The following B3GNT4 variants were observed in gnomAD, a reference collection of about 807,000 sequenced individuals.
B3GNT4 encodes the protein UDP-GlcNAc:betaGal beta-1,3-N-acetylglucosaminyltransferase 4, also known as N-acetyllactosaminide beta-1,3-N-acetylglucosaminyltransferase 4.
Under a neutral mutation model 2.7 loss-of-function variants are expected in B3GNT4, and 2 were observed. The ratio of observed to expected loss-of-function variants is 0.73; its 90% CI spans 0.30 to 2.31. The LOEUF is 2.31. Ranked by LOEUF, B3GNT4 falls within the 30% of genes most tolerant of loss-of-function variation. B3GNT4 has a pLI of 0.12. For synonymous variants in B3GNT4, 280 were observed against 203.4 expected (o/e 1.38, Z -3.20); for missense variants, 708 against 490.9 (o/e 1.44, Z -4.18).
At position 122,207,304 on chromosome 12, in the gene B3GNT4, C is replaced by G. The variant is rs1243174935; in HGVS notation, c.1053C>G (p.Leu351=). The G allele has an allele frequency of 3.1e-6, 5 of 1,613,454 alleles. No homozygotes were observed. Among genetic ancestry groups the G allele is most frequent in the Non-Finnish European group, 4.2e-6 (5 of 1,179,720 alleles). ...LYRGLLLVHR[L]SPLEMWTMWA... ...GGGGGCTCCTGCTGGTTCACCGCCT[C>G]AGCCCCCTCGAGATGTGGACCATGT... Residue 351 remains leucine, a synonymous_variant, in exon 3 of 3, where the codon CTC becomes CTG. Transcript: ENST00000324189.
chr12:122,206,400 G>A lies in B3GNT4; in HGVS notation c.149G>A (p.Arg50Lys), dbSNP rs764132970. 2.5e-6 allele frequency: 4 copies of A among 1,613,144 alleles called. No individual in the cohort carries two copies. In the African/African-American group the frequency reaches 5.3e-5, roughly 22 times the overall value. ...TTGCTCGGCTGCCTGCTCTTCCTGA[G>A]GAAGGCGGCCAAGCCCGCAGGAGAC... The part of the protein sequence containing the change: ...VLLLGCLLFL[R>K]KAAKPAGDPT... Residue 50 changes from arginine (R) to lysine (K), a missense_variant, in exon 3 of 3, where the codon AGG becomes AAG. Transcript: ENST00000324189.
chr12:122,207,338 GTGACAGA>G lies in B3GNT4; in HGVS notation c.1091_1097del (p.Thr364ArgfsTer32), dbSNP rs1327358114. On this transcript the variant is annotated frameshift_variant, in exon 3 of 3. Coordinates refer to ENST00000324189, the MANE Select transcript of B3GNT4 (RefSeq NM_030765.4). LOFTEE classifies it low-confidence loss of function (END_TRUNC). ...CGAGATGTGGACCATGTGGGCACTG[GTGACAGA>G]TGAGGGGCTCAAGTGTGCAGCTGGC... 6.2e-7 allele frequency: 1 copy of G among 1,605,960 alleles called. No homozygotes were observed. The highest frequency in any genetic ancestry group is 2.2e-5 in the East Asian group (1 of 44,790).
chr12:122,206,874 G>C lies in B3GNT4; in HGVS notation c.623G>C (p.Cys208Ser), dbSNP rs774180580. 6.2e-7 allele frequency: 1 copy of C among 1,613,790 alleles called. No individual in the cohort carries two copies. Among genetic ancestry groups the C allele is most frequent in the African/African-American group, 1.3e-5 (1 of 74,922 alleles). The change falls in exon 3 of 3, where the codon TGC becomes TCC. Residue 208 changes from cysteine (C) to serine (S), a missense_variant. Coordinates refer to ENST00000324189, the MANE Select transcript of B3GNT4 (RefSeq NM_030765.4). Reference protein sequence around the residue: ...LHLQRWVVAACPQAHFMLKGD... With the variant: ...LHLQRWVVAASPQAHFMLKGD... Reference sequence around the variant, plus strand: ...CTGCAGCGCTGGGTGGTGGCTGCCTGCCCCCAGGCCCATTTCATGCTAAAG... The same window carrying C: ...CTGCAGCGCTGGGTGGTGGCTGCCTCCCCCCAGGCCCATTTCATGCTAAAG...
In B3GNT4 at chr12:122,206,831, A is replaced by G; in HGVS notation, c.580A>G (p.Thr194Ala). The change falls in exon 3 of 3, where the codon ACG becomes GCG. Residue 194 changes from threonine (T) to alanine (A), a missense_variant. Physicochemically the swap from Thr to Ala is moderately conservative, Grantham distance 58. Transcript: ENST00000324189. ...CTTCACTGAGGACTTCTTCAACCTG[A>G]CGCTCAAGGAGCTGCACCTGCAGCG... is the stretch of plus-strand genomic sequence containing the variant. Reference protein sequence around the residue: ...WDFTEDFFNLTLKELHLQRWV... With the variant: ...WDFTEDFFNLALKELHLQRWV... 6.2e-7 allele frequency: 1 copy of G among 1,613,392 alleles called. No homozygotes were observed. Among genetic ancestry groups the G allele is most frequent in the South Asian group, 1.1e-5 (1 of 91,046 alleles).
At position 122,204,652 on chromosome 12, in the gene B3GNT4, G is replaced by A. The variant is rs756115422; in HGVS notation, c.34G>A (p.Gly12Arg). ...TCCCCAGCCTTCCGCAGCCCACCAG[G>A]GAAGGGGCGGTAGGAGTGGCCTTTT... is the stretch of plus-strand genomic sequence containing the variant. ...LPPQPSAAHQ[G>R]RGGRSGLLPK... The change falls in exon 2 of 3, where the codon GGA becomes AGA. Residue 12 changes from glycine to arginine, a missense_variant. Physicochemically the swap from Gly to Arg is moderately radical, Grantham distance 125 (BLOSUM62 -2). Coordinates refer to ENST00000324189, the MANE Select transcript of B3GNT4 (RefSeq NM_030765.4). 6.2e-7 allele frequency: 1 copy of A among 1,612,102 alleles called. No homozygotes were observed. Among genetic ancestry groups the A allele is most frequent in the African/African-American group, 1.3e-5 (1 of 75,042 alleles).
In B3GNT4 at chr12:122,207,570, C is replaced by T. The variant is rs529004581; in HGVS notation, c.*182C>T. On this transcript the variant is annotated 3_prime_UTR_variant, in exon 3 of 3. Transcript: ENST00000324189. Reference sequence around the variant, plus strand: ...TGTCCAGCATATGTTGAATGGGAGCCAAAGTGTAGCAAATGCTGCCAGGAA... The same window carrying T: ...TGTCCAGCATATGTTGAATGGGAGCTAAAGTGTAGCAAATGCTGCCAGGAA... 8.9e-6 allele frequency: 6 copies of T among 673,850 alleles called. No homozygotes were observed. In the South Asian group the frequency reaches 9.6e-5, roughly 11 times the overall value. 41.7% of individuals were successfully genotyped at this position (673,850 alleles called of 1,614,324 possible).
Position 122,207,786 on chromosome 12 carries a change from G to A in B3GNT4, c.*398G>A, listed in dbSNP as rs1161950282. 2 of 469,286 alleles carry A rather than the reference G, an allele frequency of 4.3e-6. No individual in the cohort carries two copies. Among genetic ancestry groups the A allele is most frequent in the Admixed American group, 2.3e-5 (1 of 42,980 alleles). 29.1% of individuals were successfully genotyped at this position (469,286 alleles called of 1,614,324 possible). On this transcript the variant is annotated 3_prime_UTR_variant, in exon 3 of 3. Coordinates refer to ENST00000324189, the MANE Select transcript of B3GNT4 (RefSeq NM_030765.4). ...CAAGAGGCCTGTGTTAAGTCCTGTT[G>A]ATGTTAAGTCCTGTTGAGAGCACCA...
At position 122,207,932 on chromosome 12, in the gene B3GNT4, CG is replaced by C. The variant is rs1566018726; in HGVS notation, c.*545del. ...ACATCAGAAATACATACAAAGAAAT[CG>C]TACAAACTGGACAGGTTCCCCTCCC... On this transcript the variant is annotated 3_prime_UTR_variant, in exon 3 of 3. Coordinates refer to ENST00000324189, the MANE Select transcript of B3GNT4 (RefSeq NM_030765.4). The C allele has an allele frequency of 2.2e-6, 1 of 461,542 alleles. No homozygotes were observed. Among genetic ancestry groups the C allele is most frequent in the Non-Finnish European group, 4.3e-6 (1 of 232,216 alleles). 28.6% of individuals were successfully genotyped at this position (461,542 alleles called of 1,614,324 possible). A position where few individuals can be genotyped will look rare whatever the true frequency, so the allele number is the denominator to read the frequency against.
At position 122,208,708 on chromosome 12, in the gene B3GNT4, TTCTC is replaced by T. The variant is rs760933363; in HGVS notation, c.*1326_*1329del. ...GGTCACTTTCCTTGACCTCCCTGTC[TTCTC>T]TCTCTGCAAAGAAACTTCCACCTCT... On this transcript the variant is annotated 3_prime_UTR_variant, in exon 3 of 3. Transcript: ENST00000324189. 4 of 866,720 alleles carry T rather than the reference TTCTC, an allele frequency of 4.6e-6. No homozygotes were observed. The African/African-American group carries it at 5.0e-5, about 11-fold the overall frequency. The allele number at this position is 866,720 out of a possible 1,614,324, so 53.7% of individuals were successfully genotyped here. A position where few individuals can be genotyped will look rare whatever the true frequency, so the allele number is the denominator to read the frequency against.
In B3GNT4 at chr12:122,208,235, G is replaced by C. The variant is rs752890855; in HGVS notation, c.*847G>C. 1.5e-5 allele frequency: 14 copies of C among 930,576 alleles called. No individual in the cohort carries two copies. The highest frequency in any genetic ancestry group is 3.1e-4 in the Middle Eastern group (1 of 3,214). 57.6% of individuals were successfully genotyped at this position (930,576 alleles called of 1,614,324 possible). A position where few individuals can be genotyped will look rare whatever the true frequency, so the allele number is the denominator to read the frequency against. On this transcript the variant is annotated 3_prime_UTR_variant, in exon 3 of 3. Coordinates refer to ENST00000324189, the MANE Select transcript of B3GNT4 (RefSeq NM_030765.4). ...CCTGAGACCACAGGAGGCACTCACA[G>C]CTCACAAAGGCGTCTCGCCTGATTG...
rs1953915685 is a variant in B3GNT4, at chr12:122,206,377, G to GCTCGGCTGCCTGCTCTTC, written c.129_146dup (p.Gly44_Leu49dup). On this transcript the variant is annotated inframe_insertion, in exon 3 of 3. Coordinates refer to ENST00000324189, the MANE Select transcript of B3GNT4 (RefSeq NM_030765.4). Reference sequence around the variant, plus strand: ...TCTCGTACAGCTTGGCTGTGCTGTTGCTCGGCTGCCTGCTCTTCCTGAGGA... The same window carrying GCTCGGCTGCCTGCTCTTC: ...TCTCGTACAGCTTGGCTGTGCTGTTGCTCGGCTGCCTGCTCTTCCTCGGCTGCCTGCTCTTCCTGAGGA... 1 of 1,610,148 alleles carries GCTCGGCTGCCTGCTCTTC rather than the reference G, an allele frequency of 6.2e-7. No homozygotes were observed.
In B3GNT4 at chr12:122,204,609, G is replaced by GCTGC; in HGVS notation, c.-8_-5dup. 2 of 1,607,294 alleles carry GCTGC rather than the reference G, an allele frequency of 1.2e-6. No individual in the cohort carries two copies. Among genetic ancestry groups the GCTGC allele is most frequent in the Non-Finnish European group, 1.7e-6 (2 of 1,174,510 alleles). On this transcript the variant is annotated 5_prime_UTR_variant, in exon 2 of 3. Transcript: ENST00000324189. ...ATCCTGAGCACGGAGACAGTCTCCA[G>GCTGC]CTGCCGTTCATGCTTCCTCCCCAGC...
In B3GNT4 at chr12:122,208,264, A is replaced by T. The variant is rs1372430913; in HGVS notation, c.*876A>T. On this transcript the variant is annotated 3_prime_UTR_variant, in exon 3 of 3. Transcript: ENST00000324189. ...ACAAAGGCGTCTCGCCTGATTGGCC[A>T]GGGCAGGATCTGCCGCCTCTTCTCG... is the stretch of plus-strand genomic sequence containing the variant. 1 of 1,245,410 alleles carries T rather than the reference A, an allele frequency of 8.0e-7. No homozygotes were observed. The highest frequency in any genetic ancestry group is 1.2e-5 in the South Asian group (1 of 81,612). 77.1% of individuals were successfully genotyped at this position (1,245,410 alleles called of 1,614,324 possible).
In B3GNT4 at chr12:122,207,675, G is replaced by A. The variant is rs1299781143; in HGVS notation, c.*287G>A. 3 of 628,712 alleles carry A rather than the reference G, an allele frequency of 4.8e-6. No individual in the cohort carries two copies. Among genetic ancestry groups the A allele is most frequent in the Non-Finnish European group, 8.8e-6 (3 of 339,288 alleles). The allele number at this position is 628,712 out of a possible 1,614,324, so 38.9% of individuals were successfully genotyped here. A position where few individuals can be genotyped will look rare whatever the true frequency, so the allele number is the denominator to read the frequency against. On this transcript the variant is annotated 3_prime_UTR_variant, in exon 3 of 3. Transcript: ENST00000324189. ...AAGGAGGCTGCATAGGACCCCAGGA[G>A]AGACGCATTTTCTCTTTCAGATGCA...
At chr12:122,206,225 G>A in intron 2 of B3GNT4, 93 bp from the exon 3 acceptor site, 1 of 1,016,656 alleles carries the variant, frequency 9.8e-7, no homozygotes, top group South Asian at 1.6e-5. Context: ...GGCCAGCAGG[G>A]ACTTAGCGGC....
chr12:122,204,418 G>GT, intron 1 of B3GNT4, 104 bp from the exon 2 acceptor site: 1 of 545,730 alleles, frequency 1.8e-6, no homozygotes, highest in Non-Finnish European at 3.3e-6. Flanking sequence ...CACCCGGGCC[G>GT]CGGCGCAGCC....
rs1428757406 is a variant in B3GNT4, at chr12:122,207,455, T to C, written c.*67T>C. ...ATTCTCTATCGTGATGCGAAATTGA[T>C]GCCTGCTGCTCTACAGAAAATGCCA... On this transcript the variant is annotated 3_prime_UTR_variant, in exon 3 of 3. Transcript: ENST00000324189. 2 of 1,385,654 alleles carry C rather than the reference T, an allele frequency of 1.4e-6. No homozygotes were observed. The highest frequency in any genetic ancestry group is 1.9e-6 in the Non-Finnish European group (2 of 1,042,922). 85.8% of individuals were successfully genotyped at this position (1,385,654 alleles called of 1,614,324 possible). A position where few individuals can be genotyped will look rare whatever the true frequency, so the allele number is the denominator to read the frequency against.
chr12:122,206,610 T>G lies in B3GNT4; in HGVS notation c.359T>G (p.Leu120Trp), dbSNP rs779643481. 3 of 1,614,148 alleles carry G rather than the reference T, an allele frequency of 1.9e-6. No individual in the cohort carries two copies. Among genetic ancestry groups the G allele is most frequent in the Non-Finnish European group, 2.5e-6 (3 of 1,180,036 alleles). The change falls in exon 3 of 3, where the codon TTG becomes TGG. Residue 120 changes from leucine (L) to tryptophan (W), a missense_variant. By Grantham distance (61) the Leu-to-Trp change is moderately conservative. Transcript: ENST00000324189. The stretch of plus-strand genomic sequence containing the variant: ...TCAGGCTGTTCCAAGGATACCTTCT[T>G]GCTCCTGGCCATCAAGTCACAGCCT... The part of the protein sequence containing the change: ...EPSGCSKDTF[L>W]LLAIKSQPGH...
rs146310385 is a variant in B3GNT4, at chr12:122,206,374, G to A, written c.123G>A (p.Leu41=). 16 of 1,609,690 alleles carry A rather than the reference G, an allele frequency of 9.9e-6. No individual in the cohort carries two copies. The African/African-American group carries it at 2.1e-4, about 21-fold the overall frequency. ...CWLVSYSLAV[L]LLGCLLFLRK... ...TGGTCTCGTACAGCTTGGCTGTGCT[G>A]TTGCTCGGCTGCCTGCTCTTCCTGA... is the stretch of plus-strand genomic sequence containing the variant. Residue 41 remains leucine (L), a synonymous_variant, in exon 3 of 3, where the codon CTG becomes CTA. Transcript: ENST00000324189.
Sources: allele counts gnomAD v4.1 joint callset, GRCh38; gene constraint gnomAD v4.1.1; transcripts MANE v1.5; gene names NCBI Gene and HGNC (gene_info 2026-07-23, HGNC 2026-07-21).